MMUT: variants seen among roughly 807,000 people sequenced by gnomAD.
MMUT encodes the protein methylmalonyl-CoA mutase.
In MMUT, 79 loss-of-function variants were observed where a neutral mutation model predicts 79.9. That is an observed-to-expected ratio of 0.99 (90% CI 0.82 to 1.19). The LOEUF is 1.19. MMUT is among the 50% of genes most tolerant of loss of function. The pLI is 0.00. For missense variants in MMUT, 860 were observed against 917.2 expected, an observed-to-expected ratio of 0.94 and a Z score of 0.81; for synonymous variants, 273 against 295.7, an observed-to-expected ratio of 0.92 and a Z score of 0.79.
chr6:49,458,952 T>G (rs1561959590), intron 2 of MMUT, 130 bp downstream of exon 2: 1 of 936,242 alleles, frequency 1.1e-6, no homozygotes, highest in East Asian at 2.7e-5. Flanking sequence ...ATCCACTTTT[T>G]TCAGAGTATA....
intron 6 of MMUT, among the ~76,000 whole-genome samples, chr6:49,449,318 T>TAATGA (rs1158723739): frequency 6.6e-6 from 1 of 152,208 alleles, no homozygotes; most frequent in African/African-American, 2.4e-5. Context: ...ACCTCATCTT[T>TAATGA]AATGAAATCA....
intron 5 of MMUT, among the ~76,000 whole-genome samples, chr6:49,453,045 T>G (rs6909128): frequency 0.39 from 53,517 of 135,992 alleles, 9,999 homozygotes; most frequent in African/African-American, 0.44. Context: ...CTTTGTTTTT[T>G]TTTTTTTTTT....
intron 12 of MMUT, among the ~76,000 whole-genome samples, chr6:49,433,529 C>G (rs996376378): frequency 1.1e-4 from 17 of 152,048 alleles, no homozygotes; most frequent in African/African-American, 4.1e-4. Context: ...CTTAGCTGGG[C>G]CAGGGATAGC....
Position 49,456,227 on chromosome 6 carries a change from T to G in MMUT, c.764A>C (p.Lys255Thr). 1 of 1,610,476 alleles carries G rather than the reference T, an allele frequency of 6.2e-7. No homozygotes were observed. Among genetic ancestry groups the G allele is most frequent in the Non-Finnish European group, 8.5e-7 (1 of 1,176,890 alleles). Residue 255 changes from lysine (K) to threonine (T), a missense_variant, in exon 4 of 13, where the codon AAA becomes ACA. Coordinates refer to ENST00000274813, the MANE Select transcript of MMUT (RefSeq NM_000255.4). ...TCCACTAATTGAAATTGAATTAAAT[T>G]TTGGCATGTGCTACATAAAAAAAAA... ...IFEYTAKHMP[K>T]FNSISISGYH...
intron 7 of MMUT, among the ~76,000 whole-genome samples, chr6:49,448,329 C>A (rs984877627): frequency 1.3e-5 from 2 of 152,000 alleles, no homozygotes; most frequent in Admixed American, 6.6e-5. Context: ...TCCTTCATAG[C>A]ACTTATCATG....
chr6:49,451,644 A>G lies in MMUT; in HGVS notation c.1154T>C (p.Leu385Ser). 1 of 1,614,142 alleles carries G rather than the reference A, an allele frequency of 6.2e-7. No homozygotes were observed. Among genetic ancestry groups the G allele is most frequent in the Non-Finnish European group, 8.5e-7 (1 of 1,180,000 alleles). Residue 385 changes from leucine to serine, a missense_variant, in exon 6 of 13, where the codon TTG becomes TCG. Coordinates refer to ENST00000274813, the MANE Select transcript of MMUT (RefSeq NM_000255.4). The part of the protein sequence containing the change: ...MAAVFGGTQS[L>S]HTNSFDEALG... The stretch of plus-strand genomic sequence containing the variant: ...AGCTTCATCAAAAGAATTTGTGTGC[A>G]AAGACTGAGTCCCTCCAAATACTGC...
chr6:49,435,702 C>T (rs1233220407), intron 11 of MMUT, 79 bp from the exon 12 acceptor site: 14 of 1,436,252 alleles, frequency 9.7e-6, no homozygotes, highest in Admixed American at 3.9e-5. Context: ...ACAATCTAGG[C>T]AATACCATTC....
chr6:49,440,079 C>A, intron 11 of MMUT, 127 bp downstream of exon 11: 1 of 1,261,252 alleles, frequency 7.9e-7, no homozygotes, highest in Non-Finnish European at 1.1e-6. Context: ...TTTGCCAAGT[C>A]AGTGGCTACA....
rs1454968203 is a variant in MMUT at position 49,430,713 on chromosome 6, G to C, written c.*1015C>G. ...TTATTTATGTTATATTCATGTAATG[G>C]ATCATGTTAACAATAAAGGACAACT... On this transcript the variant is annotated 3_prime_UTR_variant, in exon 13 of 13. Transcript: ENST00000274813. 6.6e-6 allele frequency: 1 copy of C among 152,040 alleles called. No homozygotes were observed. Among genetic ancestry groups the C allele is most frequent in the African/African-American group, 2.4e-5 (1 of 41,394 alleles). 9.4% of individuals were successfully genotyped at this position (152,040 alleles called of 1,614,324 possible).
At chr6:49,460,480 C>A (rs1363998734) in intron 1 of MMUT, among the ~76,000 whole-genome samples, 2 of 152,292 alleles carry the variant, frequency 1.3e-5, no homozygotes, top group East Asian at 3.9e-4. Context: ...GCTGCATATT[C>A]CGGATAACTA....
chr6:49,431,517 T>C lies in MMUT; in HGVS notation c.*211A>G, dbSNP rs1766973451. ...GTATTGTTATAGAGAGTATAGAGAG[T>C]TTTTAGGGATTTTTTTTTTATTTTT... On this transcript the variant is annotated 3_prime_UTR_variant, in exon 13 of 13. Coordinates refer to ENST00000274813, the MANE Select transcript of MMUT (RefSeq NM_000255.4). 4.6e-6 allele frequency: 2 copies of C among 432,024 alleles called. No individual in the cohort carries two copies. The highest frequency in any genetic ancestry group is 5.1e-5 in the South Asian group (2 of 38,860). The allele number at this position is 432,024 out of a possible 1,614,324, so 26.8% of individuals were successfully genotyped here.
chr6:49,461,133 C>A (rs1223570306), intron 1 of MMUT, among the ~76,000 whole-genome samples: 1 of 152,028 alleles, frequency 6.6e-6, no homozygotes, highest in Non-Finnish European at 1.5e-5. Context: ...AGAAAGCTGG[C>A]AAAACTAATC....
chr6:49,443,608 T>A (rs554875293), intron 9 of MMUT, among the ~76,000 whole-genome samples: 1 of 152,104 alleles, frequency 6.6e-6, no homozygotes, highest in African/African-American at 2.4e-5. Context: ...TGGTTCTTAA[T>A]ATAATAAATT....
In MMUT at chr6:49,459,140, C is replaced by T. The variant is rs371185170; in HGVS notation, c.327G>A (p.Gln109=). 7 of 1,614,168 alleles carry T rather than the reference C, an allele frequency of 4.3e-6. No individual in the cohort carries two copies. The South Asian group carries it at 4.4e-5, about 10-fold the overall frequency. Residue 109 remains glutamine, a synonymous_variant, in exon 2 of 13, where the codon CAG becomes CAA. Coordinates refer to ENST00000274813, the MANE Select transcript of MMUT (RefSeq NM_000255.4). ...MYTFRPWTIR[Q]YAGFSTVEES... ...CTTCCACAGTACTAAAACCAGCATA[C>T]TGGCGGATGGTCCAGGGCCTAAAGG...
intron 5 of MMUT, among the ~76,000 whole-genome samples, chr6:49,452,921 ATTAATT>A (rs1449360110): frequency 6.6e-6 from 1 of 152,084 alleles, no homozygotes; most frequent in Non-Finnish European, 1.5e-5. Context: ...TGTATATATA[ATTAATT>A]TTAAATAGGC....
chr6:49,446,942 C>T (rs1016516591), intron 8 of MMUT, among the ~76,000 whole-genome samples: 3 of 151,606 alleles, frequency 2.0e-5, no homozygotes, highest in Non-Finnish European at 4.4e-5. Flanking sequence ...GTATAAGCTC[C>T]CTACCTTGGA....
chr6:49,434,292 T>C (rs776736543), intron 12 of MMUT, among the ~76,000 whole-genome samples: 11 of 152,202 alleles, frequency 7.2e-5, no homozygotes, highest in Non-Finnish European at 1.3e-4. Flanking sequence ...TTATATCACA[T>C]TAAATAATGT....
intron 9 of MMUT, chr6:49,443,812 C>T (rs1220883171): frequency 2.3e-6 from 1 of 438,768 alleles, no homozygotes; most frequent in Admixed American, 2.5e-5. Flanking sequence ...TATGGGAACA[C>T]TGAAGCAGAT....
intron 11 of MMUT, among the ~76,000 whole-genome samples, chr6:49,438,343 GACA>G (rs1190401117): frequency 2.0e-5 from 3 of 151,642 alleles, no homozygotes; most frequent in Non-Finnish European, 4.4e-5. Flanking sequence ...GTTAAAAAAA[GACA>G]ACAAAAATAA....
Sources: allele counts gnomAD v4.1 joint callset (sites outside exome capture counted in the v4.1 genomes callset), GRCh38; gene constraint gnomAD v4.1.1; transcripts MANE v1.5; gene names NCBI Gene and HGNC (gene_info 2026-07-23, HGNC 2026-07-21).